The following GABRG3 variants were observed in gnomAD, a reference collection of about 807,000 sequenced individuals.
The protein encoded by GABRG3 is gamma-aminobutyric acid receptor subunit gamma-3.
In GABRG3, 25 loss-of-function variants were observed where a neutral mutation model predicts 48.8. The ratio of observed to expected loss-of-function variants is 0.51; its 90% CI spans 0.37 to 0.72. The LOEUF (loss-of-function observed/expected upper bound fraction) is 0.72, where lower values mean the gene tolerates loss of function less well. Among genes scored for constraint, GABRG3 ranks in the 30% least tolerant of loss-of-function variants. The probability of loss-of-function intolerance (pLI) is 0.00; values close to 1 mark genes in which losing one functional copy is unlikely to be tolerated. For synonymous variants in GABRG3, 227 were observed against 217.6 expected (o/e 1.04, Z -0.38); for missense variants, 394 against 577.9 (o/e 0.68, Z 3.26).
intron 3 of GABRG3, among the ~76,000 whole-genome samples, chr15:27,048,310 C>T (rs558548398): frequency 1.4e-5 from 2 of 143,214 alleles, no homozygotes; most frequent in East Asian, 4.0e-4. Context: ...TGATCCAGAA[C>T]GTCCAGACAG....
chr15:27,308,272 A>T (rs139916945), intron 3 of GABRG3, among the ~76,000 whole-genome samples: 1 of 113,258 alleles, frequency 8.8e-6, no homozygotes, highest in East Asian at 2.7e-4. Context: ...ATATAAACAT[A>T]ATATAAACAT....
At chr15:27,308,032 T>C (rs1387487782) in intron 3 of GABRG3, among the ~76,000 whole-genome samples, 1 of 139,380 alleles carries the variant, frequency 7.2e-6, no homozygotes, top group East Asian at 2.2e-4. Flanking sequence ...TAAACATGTT[T>C]ATATGTAAAT....
chr15:27,463,135 A>G (rs1314656331), intron 5 of GABRG3, among the ~76,000 whole-genome samples: 2 of 152,234 alleles, frequency 1.3e-5, no homozygotes, highest in East Asian at 1.9e-4. Context: ...AAATTAATAC[A>G]TAAGGTTTAA....
chr15:27,238,510 A>G (rs1279623717), intron 3 of GABRG3, among the ~76,000 whole-genome samples: 1 of 152,214 alleles, frequency 6.6e-6, no homozygotes, highest in African/African-American at 2.4e-5. Context: ...AATCTTATTA[A>G]ATTATGTACT....
chr15:27,401,539 A>C (rs1270288664), intron 5 of GABRG3, among the ~76,000 whole-genome samples: 1 of 152,202 alleles, frequency 6.6e-6, no homozygotes, highest in Non-Finnish European at 1.5e-5. Context: ...AATTATGTAG[A>C]TATTTAAATT....
rs946975040 is a variant in GABRG3, at chr15:27,305,640, A to G, written c.271-21169A>G. Among the ~76,000 whole-genome samples, 20 of 132,764 alleles carry G rather than the reference A, an allele frequency of 1.5e-4. No individual in the cohort carries two copies. In the East Asian group the frequency reaches 2.3e-3, roughly 15 times the overall value. 87.1% of individuals were successfully genotyped at this position (132,764 alleles called of 152,430 possible). A position where few individuals can be genotyped will look rare whatever the true frequency, so the allele number is the denominator to read the frequency against. ...AAACATATATATAATATAAACCTAT[A>G]TGTTTATATATAAACATATATAATA... On this transcript the variant is annotated intron_variant, in intron 3 of 9. Coordinates refer to ENST00000615808, the MANE Select transcript of GABRG3 (RefSeq NM_033223.5).
chr15:27,238,745 T>G (rs1190601383), intron 3 of GABRG3, among the ~76,000 whole-genome samples: 1 of 152,216 alleles, frequency 6.6e-6, no homozygotes, highest in East Asian at 1.9e-4. Flanking sequence ...TTCAGTCACT[T>G]AAGAGTTTGT....
intron 3 of GABRG3, among the ~76,000 whole-genome samples, chr15:27,267,530 C>G (rs1237058393): frequency 1.3e-5 from 2 of 151,800 alleles, no homozygotes; most frequent in Non-Finnish European, 2.9e-5. Flanking sequence ...GTCTCAACTT[C>G]CCAGGCTCAA....
At chr15:27,291,326 C>G (rs1891787824) in intron 3 of GABRG3, among the ~76,000 whole-genome samples, 1 of 152,086 alleles carries the variant, frequency 6.6e-6, no homozygotes, top group African/African-American at 2.4e-5. Context: ...TTAGATATCA[C>G]TTATATTTTA....
At chr15:27,106,724 G>T (rs1464668164) in intron 3 of GABRG3, among the ~76,000 whole-genome samples, 1 of 151,918 alleles carries the variant, frequency 6.6e-6, no homozygotes, top group African/African-American at 2.4e-5. Context: ...ATCATTATTG[G>T]AATGAAATGA....
chr15:27,313,268 A>ATATATATATATATATATGTG (rs1566779094), intron 3 of GABRG3, among the ~76,000 whole-genome samples: 1 of 32,804 alleles, frequency 3.0e-5, no homozygotes, highest in East Asian at 9.1e-4. Flanking sequence ...GTGTGTATAT[A>ATATATATATATATATATGTG]TATATATATA....
At chr15:27,114,617 A>G (rs1234560149) in intron 3 of GABRG3, among the ~76,000 whole-genome samples, 1 of 152,248 alleles carries the variant, frequency 6.6e-6, no homozygotes, top group Non-Finnish European at 1.5e-5. Flanking sequence ...CTTGAAAAAT[A>G]GTCATGAAAG....
chr15:26,987,239 G>A (rs1406565031), intron 2 of GABRG3, among the ~76,000 whole-genome samples: 1 of 152,168 alleles, frequency 6.6e-6, no homozygotes, highest in African/African-American at 2.4e-5. Context: ...GATGGCAGGG[G>A]GCATCAGGTG....
chr15:27,159,890 A>G (rs1898534294), intron 3 of GABRG3, among the ~76,000 whole-genome samples: 1 of 152,198 alleles, frequency 6.6e-6, no homozygotes, highest in African/African-American at 2.4e-5. Flanking sequence ...TCTGACATCC[A>G]AGCACTGTAG....
rs147531319 is a variant in GABRG3 at position 27,250,190 on chromosome 15, C to A, written c.271-76619C>A. Among the ~76,000 whole-genome samples the A allele has an allele frequency of 7.2e-5, 11 of 152,266 alleles. No homozygotes were observed. In the East Asian group the frequency reaches 2.1e-3, roughly 30 times the overall value. ...TGTGCACCTGCCACACTCCCCTCAC[C>A]GAAACCCCTAGAGGAGCACCATCAG... On this transcript the variant is annotated intron_variant, in intron 3 of 9. Coordinates refer to ENST00000615808, the MANE Select transcript of GABRG3 (RefSeq NM_033223.5).
At chr15:27,359,012 G>A (rs370630783) in intron 5 of GABRG3, among the ~76,000 whole-genome samples, 14 of 152,372 alleles carry the variant, frequency 9.2e-5, no homozygotes, top group African/African-American at 3.1e-4. Flanking sequence ...AAGAGCCGCA[G>A]TGACACCTTC....
chr15:27,517,713 G>T (rs1366043092), intron 6 of GABRG3, among the ~76,000 whole-genome samples: 1 of 152,084 alleles, frequency 6.6e-6, no homozygotes, highest in Non-Finnish European at 1.5e-5. Context: ...CTAGGGTTTT[G>T]ATTGCAATTT....
At chr15:27,282,490 C>T (rs1348262108) in intron 3 of GABRG3, among the ~76,000 whole-genome samples, 1 of 152,130 alleles carries the variant, frequency 6.6e-6, no homozygotes, top group Non-Finnish European at 1.5e-5. Flanking sequence ...ATCCATTCTT[C>T]TATTAAGCCC....
intron 2 of GABRG3, among the ~76,000 whole-genome samples, chr15:26,986,837 G>A (rs1895159596): frequency 6.6e-6 from 1 of 152,134 alleles, no homozygotes; most frequent in Admixed American, 6.6e-5. Flanking sequence ...GAGCAATGTG[G>A]ATTAGAAAGT....
Sources: allele counts gnomAD v4.1 joint callset (sites outside exome capture counted in the v4.1 genomes callset), GRCh38; gene constraint gnomAD v4.1.1; transcripts MANE v1.5; gene names NCBI Gene and HGNC (gene_info 2026-07-23, HGNC 2026-07-21).